The following IGF1R variants were observed in gnomAD, a reference collection of about 807,000 sequenced individuals.
The protein encoded by IGF1R is insulin like growth factor 1 receptor, also known as insulin-like growth factor 1 receptor.
Under a neutral mutation model 144.6 loss-of-function variants are expected in IGF1R, and 44 were observed. The ratio of observed to expected loss-of-function variants is 0.30; its 90% CI spans 0.24 to 0.39. The LOEUF (loss-of-function observed/expected upper bound fraction) is 0.39. Ranked by LOEUF, IGF1R falls within the 10% of genes least tolerant of loss-of-function variation. IGF1R has a pLI of 1.00. For missense variants in IGF1R, 1,355 were observed against 1,833.7 expected (o/e 0.74, Z 4.77); for synonymous variants, 795 against 722.8 (o/e 1.10, Z -1.60).
Position 98,955,713 on chromosome 15 carries a change from A to C in IGF1R, c.3723-1348A>C, listed in dbSNP as rs181995097. ...CCCTTCTCTTGGCAGGCCAGCTTCC[A>C]GGCCCAGTGGCTTCTCTTACATCAG... is the stretch of plus-strand genomic sequence containing the variant. On this transcript the variant is annotated intron_variant, in intron 20 of 20. Transcript: ENST00000650285. Among the ~76,000 whole-genome samples, 512 of 152,320 alleles carry C rather than the reference A, an allele frequency of 3.4e-3. 2 individuals carry two copies. The highest frequency in any genetic ancestry group is 0.011 in the African/African-American group (476 of 41,582).
chr15:98,764,026 ATGT>A (rs771481193), intron 2 of IGF1R, among the ~76,000 whole-genome samples: 8 of 152,216 alleles, frequency 5.3e-5, no homozygotes, highest in Non-Finnish European at 8.8e-5. Flanking sequence ...AAGAAAACAA[ATGT>A]TGTTGATAAG....
chr15:98,914,253 TTGACATG>T (rs574837470), intron 8 of IGF1R, among the ~76,000 whole-genome samples: 224 of 152,358 alleles, frequency 1.5e-3, no homozygotes, highest in African/African-American at 5.1e-3. Flanking sequence ...GGTTAGGATT[TTGACATG>T]TGAGTTTTGG....
At chr15:98,875,469 C>A (rs535116615) in intron 2 of IGF1R, among the ~76,000 whole-genome samples, 2 of 151,550 alleles carry the variant, frequency 1.3e-5, no homozygotes, top group African/African-American at 4.8e-5. Context: ...TCTACTGATC[C>A]CTTCATTGAG....
chr15:98,825,676 C>G (rs1277626033), intron 2 of IGF1R, among the ~76,000 whole-genome samples: 2 of 152,230 alleles, frequency 1.3e-5, no homozygotes, highest in Admixed American at 1.3e-4. Context: ...GAACCGATCC[C>G]TGGTGCCAAA....
chr15:98,782,168 G>A (rs2055875545), intron 2 of IGF1R, among the ~76,000 whole-genome samples: 1 of 152,072 alleles, frequency 6.6e-6, no homozygotes, highest in Admixed American at 6.5e-5. Flanking sequence ...TGAAAGAATT[G>A]AATTTGTGAG....
At chr15:98,847,169 G>GT (rs2011361701) in intron 2 of IGF1R, among the ~76,000 whole-genome samples, 1 of 152,088 alleles carries the variant, frequency 6.6e-6, no homozygotes, top group South Asian at 2.1e-4. Flanking sequence ...TAAAGACAGG[G>GT]TTTTACCATG....
At chr15:98,834,584 C>A (rs2057060311) in intron 2 of IGF1R, among the ~76,000 whole-genome samples, 2 of 152,324 alleles carry the variant, frequency 1.3e-5, no homozygotes, top group South Asian at 4.1e-4. Flanking sequence ...ACACTGAACT[C>A]TGGGGGTTAC....
chr15:98,762,614 G>C (rs965278618), intron 2 of IGF1R, among the ~76,000 whole-genome samples: 3 of 151,892 alleles, frequency 2.0e-5, no homozygotes, highest in African/African-American at 7.3e-5. Flanking sequence ...TGTAATCCCA[G>C]TTACTCGGGA....
chr15:98,756,110 C>T (rs1354820034), intron 2 of IGF1R, among the ~76,000 whole-genome samples: 2 of 152,080 alleles, frequency 1.3e-5, no homozygotes, highest in East Asian at 1.9e-4. Flanking sequence ...CAAAGCCCTA[C>T]AGATAGGGGT....
chr15:98,805,556 C>G (rs2056453509), intron 2 of IGF1R, among the ~76,000 whole-genome samples: 1 of 152,092 alleles, frequency 6.6e-6, no homozygotes, highest in Admixed American at 6.5e-5. Flanking sequence ...TGCCCGTTGT[C>G]CCCTCCAGCC....
intron 1 of IGF1R, among the ~76,000 whole-genome samples, chr15:98,689,795 G>A (rs1348204451): frequency 6.6e-6 from 1 of 152,116 alleles, no homozygotes; most frequent in Admixed American, 6.5e-5. Context: ...CCTGTCCGAT[G>A]GAGAGATACC....
chr15:98,657,514 C>A (rs968926493), intron 1 of IGF1R, among the ~76,000 whole-genome samples: 1 of 152,194 alleles, frequency 6.6e-6, no homozygotes, highest in Non-Finnish European at 1.5e-5. Flanking sequence ...CTTACAGACT[C>A]AGGACTTTAA....
intron 1 of IGF1R, among the ~76,000 whole-genome samples, chr15:98,673,813 C>T (rs2052961691): frequency 6.6e-6 from 1 of 152,184 alleles, no homozygotes; most frequent in African/African-American, 2.4e-5. Context: ...CTGATAAGCA[C>T]CAGGTCTGTG....
intron 2 of IGF1R, among the ~76,000 whole-genome samples, chr15:98,852,562 C>G (rs989276469): frequency 6.6e-6 from 1 of 152,134 alleles, no homozygotes; most frequent in African/African-American, 2.4e-5. Context: ...ATCACCAGAG[C>G]AGAGGAGGAG....
At chr15:98,776,960 G>C (rs1010733656) in intron 2 of IGF1R, among the ~76,000 whole-genome samples, 20 of 152,204 alleles carry the variant, frequency 1.3e-4, no homozygotes, top group African/African-American at 4.6e-4. Context: ...AGGGTTTTCA[G>C]GATTTACAAG....
chr15:98,933,562 C>G (rs141073787), intron 15 of IGF1R, among the ~76,000 whole-genome samples: 1 of 152,168 alleles, frequency 6.6e-6, no homozygotes, highest in Non-Finnish European at 1.5e-5. Context: ...GTCTCAAATT[C>G]CTGGGCTCAA....
chr15:98,798,680 G>A (rs2056299386), intron 2 of IGF1R, among the ~76,000 whole-genome samples: 1 of 152,120 alleles, frequency 6.6e-6, no homozygotes, highest in African/African-American at 2.4e-5. Flanking sequence ...CAGTGAGGAG[G>A]ATGAGATGAG....
chr15:98,762,238 C>CTTTT (rs5814898), intron 2 of IGF1R, among the ~76,000 whole-genome samples: 29 of 95,560 alleles, frequency 3.0e-4, no homozygotes, highest in Admixed American at 4.2e-4. Context: ...CTTTTCTTTT[C>CTTTT]TTTTTTTTTT....
intron 2 of IGF1R, among the ~76,000 whole-genome samples, chr15:98,733,254 C>T (rs767126592): frequency 2.4e-4 from 36 of 152,086 alleles, no homozygotes; most frequent in Non-Finnish European, 4.7e-4. Flanking sequence ...TGCTCTGTTG[C>T]CCAGGCTGGA....
Sources: gnomAD v4.1 joint callset for allele counts (sites outside exome capture counted in the v4.1 genomes callset) on GRCh38, gnomAD v4.1.1 for gene constraint, MANE v1.5 for transcripts, NCBI Gene and HGNC (gene_info 2026-07-23, HGNC 2026-07-21) for gene names.